The following SUN3 variants were observed in gnomAD, a reference collection of about 807,000 sequenced individuals.
The protein encoded by SUN3 is SUN domain-containing protein 3.
A neutral mutation model predicts 48.2 loss-of-function variants in SUN3; 36 were observed. The ratio of observed to expected loss-of-function variants is 0.75; its 90% CI spans 0.57 to 0.99. The LOEUF (loss-of-function observed/expected upper bound fraction) is 0.99. Among genes scored for constraint, SUN3 ranks in the 50% least tolerant of loss-of-function variants. SUN3 has a pLI of 0.00. For synonymous variants in SUN3, 148 were observed against 147.9 expected (o/e 1.00, Z 0.00); for missense variants, 419 against 433.1 (o/e 0.97, Z 0.29).
chr7:48,033,445 C>A (rs1790277607), upstream of SUN3, among the ~76,000 whole-genome samples: 2 of 151,984 alleles, frequency 1.3e-5, no homozygotes, highest in African/African-American at 4.8e-5. Flanking sequence ...GCCTGGACTC[C>A]TAATTACTCA....
intron 2 of SUN3, among the ~76,000 whole-genome samples, chr7:48,025,441 A>G (rs1373570486): frequency 6.6e-6 from 1 of 152,146 alleles, no homozygotes; most frequent in African/African-American, 2.4e-5. Flanking sequence ...GTGGATGGTG[A>G]TATTTCCCGA....
In SUN3 at chr7:47,996,082, C is replaced by T; in HGVS notation, c.642G>A (p.Trp214Ter). Residue 214 changes from tryptophan (W) to a stop codon, truncating the protein, a stop_gained, in exon 7 of 10, where the codon TGG (tryptophan) becomes TGA (stop). Transcript: ENST00000297325. LOFTEE classifies it high-confidence loss of function. ...SYKNNKAKLY[W>*]HGIGFLNHEM... ...CATGATTTAGGAAACCTATCCCATG[C>T]CAGTACAATTTTGCTTTATTATTTT... 1.3e-6 allele frequency: 2 copies of T among 1,595,810 alleles called. No homozygotes were observed. Among genetic ancestry groups the T allele is most frequent in the African/African-American group, 1.4e-5 (1 of 73,828 alleles).
At chr7:47,997,369 G>A (rs1789241976) in intron 6 of SUN3, among the ~76,000 whole-genome samples, 1 of 152,088 alleles carries the variant, frequency 6.6e-6, no homozygotes, top group Admixed American at 6.6e-5. Flanking sequence ...CGTTTTTGAA[G>A]GCTAATTCTG....
intron 8 of SUN3, among the ~76,000 whole-genome samples, chr7:47,991,500 C>T (rs1789057424): frequency 6.6e-6 from 1 of 150,402 alleles, no homozygotes; most frequent in Non-Finnish European, 1.5e-5. Context: ...ACATATAAGG[C>T]AGGCTGTTTA....
chr7:48,010,835 G>T (rs1480242200), intron 3 of SUN3, among the ~76,000 whole-genome samples: 1 of 152,174 alleles, frequency 6.6e-6, no homozygotes. Flanking sequence ...CGCTGTTCTG[G>T]AGGTCAAAAG....
chr7:48,004,550 A>G (rs1272705960), intron 6 of SUN3, among the ~76,000 whole-genome samples: 1 of 152,230 alleles, frequency 6.6e-6, no homozygotes, highest in African/African-American at 2.4e-5. Context: ...GTTCCCATGA[A>G]TGGGCAGCTG....
intron 6 of SUN3, among the ~76,000 whole-genome samples, 199 bp downstream of exon 6, chr7:48,005,770 T>G (rs12702405): frequency 0.45 from 68,286 of 151,252 alleles, 15,918 homozygotes; most frequent in African/African-American, 0.57. Flanking sequence ...CACAGGCTTT[T>G]TTCCCTGGAA....
At chr7:48,007,056 GAGA>G (rs1204287224) in intron 5 of SUN3, 106 bp downstream of exon 5, 5 of 1,121,182 alleles carry the variant, frequency 4.5e-6, no homozygotes, top group Non-Finnish European at 6.2e-6. Context: ...TTCCCACTGG[GAGA>G]AGAAGCAGAT....
the SUN3 span, among the ~76,000 whole-genome samples, chr7:48,034,563 G>T: frequency 2.0e-5 from 3 of 152,158 alleles, no homozygotes; most frequent in Admixed American, 6.5e-5. Flanking sequence ...CTCACAAGCG[G>T]TTACCACCGG....
At chr7:48,003,256 A>G (rs76917037) in intron 6 of SUN3, among the ~76,000 whole-genome samples, 2 of 152,048 alleles carry the variant, frequency 1.3e-5, no homozygotes, top group African/African-American at 4.8e-5. Flanking sequence ...TGGGTTCTCT[A>G]TTCTGTTCCA....
intron 3 of SUN3, 140 bp from the exon 4 acceptor site, chr7:48,009,215 C>G: frequency 1.4e-6 from 1 of 694,770 alleles, no homozygotes; most frequent in African/African-American, 1.8e-5. Flanking sequence ...GGAGCGTCCT[C>G]TGAGAGGCCC....
rs1306147810 is a variant in SUN3, at chr7:47,994,303, A to G, written c.861+12T>C. ...AGGCCAATCTGAATGACAAATTTAGATAGCTTCTTACATAGACAGAAAATT... is the reference window on the plus strand; with the variant it reads ...AGGCCAATCTGAATGACAAATTTAGGTAGCTTCTTACATAGACAGAAAATT... On this transcript the variant is annotated intron_variant, in intron 8 of 9. Coordinates refer to ENST00000297325, the MANE Select transcript of SUN3 (RefSeq NM_001030019.2). The G allele has an allele frequency of 1.2e-6, 2 of 1,612,442 alleles. No individual in the cohort carries two copies. The highest frequency in any genetic ancestry group is 1.7e-6 in the Non-Finnish European group (2 of 1,179,592).
In SUN3 at chr7:48,028,858, G is replaced by A. The variant is rs773218100; in HGVS notation, c.81C>T (p.Gly27=). ...CSEDASGSAS[G]NALLSEDENP... ...TTTCGTCCTCTGATAACAAAGCATTGCCACTGGCGCTACCGCTGGCGTCTT... is the reference window on the plus strand; with the variant it reads ...TTTCGTCCTCTGATAACAAAGCATTACCACTGGCGCTACCGCTGGCGTCTT... Residue 27 remains glycine (G), a synonymous_variant, in exon 1 of 10, where the codon GGC becomes GGT. Transcript: ENST00000297325. The A allele has an allele frequency of 6.2e-7, 1 of 1,613,874 alleles. No individual in the cohort carries two copies. Among genetic ancestry groups the A allele is most frequent in the East Asian group, 2.2e-5 (1 of 44,876 alleles).
At chr7:47,990,229 T>G (rs1236337434) in intron 8 of SUN3, among the ~76,000 whole-genome samples, 1 of 152,016 alleles carries the variant, frequency 6.6e-6, no homozygotes, top group Non-Finnish European at 1.5e-5. Context: ...TCCCATCTCC[T>G]GAGATAGGAG....
chr7:48,029,253 C>G (rs1055566975), upstream of SUN3: 15 of 248,894 alleles, frequency 6.0e-5, no homozygotes, highest in Non-Finnish European at 1.1e-4. Flanking sequence ...CAAAGGCCCC[C>G]CCATGTACCT....
intron 6 of SUN3, chr7:47,999,982 C>T (rs900856801): frequency 6.6e-6 from 1 of 152,188 alleles, no homozygotes; most frequent in African/African-American, 2.4e-5. Context: ...TATAGATGTC[C>T]ATTAAATCTC....
At chr7:48,016,639 G>A (rs767304160) in intron 3 of SUN3, among the ~76,000 whole-genome samples, 2 of 152,234 alleles carry the variant, frequency 1.3e-5, no homozygotes, top group South Asian at 2.1e-4. Flanking sequence ...GTCAGGCAGT[G>A]TCAGGCAGAA....
chr7:47,991,540 C>A lies in SUN3; in HGVS notation c.862-2660G>T, dbSNP rs556686863. Among the ~76,000 whole-genome samples, 452 of 151,972 alleles carry A rather than the reference C, an allele frequency of 3.0e-3. 5 individuals are homozygous for A. Among genetic ancestry groups the A allele is most frequent in the African/African-American group, 0.01 (421 of 41,388 alleles). On this transcript the variant is annotated intron_variant, in intron 8 of 9. Coordinates refer to ENST00000297325, the MANE Select transcript of SUN3 (RefSeq NM_001030019.2). ...AGGGCCCTCCTCCAGATGGGAAGAT[C>A]ATAATTGAAGGCATAAACCTATATA...
At chr7:48,011,507 A>G (rs536169708) in intron 3 of SUN3, among the ~76,000 whole-genome samples, 3 of 152,294 alleles carry the variant, frequency 2.0e-5, no homozygotes, top group Admixed American at 1.3e-4. Flanking sequence ...GGAGCTTATC[A>G]TTGGTAGATA....
Sources: allele counts gnomAD v4.1 joint callset (sites outside exome capture counted in the v4.1 genomes callset), GRCh38; gene constraint gnomAD v4.1.1; transcripts MANE v1.5; gene names NCBI Gene and HGNC (gene_info 2026-07-23, HGNC 2026-07-21).